MPDZ: variants seen among roughly 807,000 people sequenced by gnomAD.
MPDZ encodes the protein multiple PDZ domain protein.
A neutral mutation model predicts 239.1 loss-of-function variants in MPDZ; 234 were observed. The observed-to-expected ratio is 0.98, with a 90% confidence interval of 0.88 to 1.09. The LOEUF (loss-of-function observed/expected upper bound fraction) is 1.09, where lower values mean the gene tolerates loss of function less well. Among genes scored for constraint, MPDZ ranks in the 50% least tolerant of loss-of-function variants. The probability of loss-of-function intolerance (pLI) is 0.00; values close to 1 mark genes in which losing one functional copy is unlikely to be tolerated. For missense variants in MPDZ, 3,175 were observed against 2,510.0 expected (o/e 1.26, Z -5.66); for synonymous variants, 1,048 against 881.3 (o/e 1.19, Z -3.35).
At chr9:13,206,414 G>C (rs573409669) in intron 10 of MPDZ, among the ~76,000 whole-genome samples, 5 of 151,922 alleles carry the variant, frequency 3.3e-5, no homozygotes, top group Non-Finnish European at 1.5e-5. Flanking sequence ...GTTGAGACAG[G>C]GTCTCACTCT....
intron 3 of MPDZ, among the ~76,000 whole-genome samples, chr9:13,241,953 T>G (rs186182174): frequency 2.0e-5 from 3 of 152,166 alleles, no homozygotes; most frequent in Non-Finnish European, 4.4e-5. Flanking sequence ...ATTGACTACC[T>G]GACTACCTAC....
chr9:13,136,493 G>A (rs904040976), intron 30 of MPDZ, among the ~76,000 whole-genome samples: 6 of 151,324 alleles, frequency 4.0e-5, no homozygotes, highest in East Asian at 1.9e-4. Context: ...CACCACGCCC[G>A]GCTAATTTTT....
chr9:13,276,354 T>C (rs1216982329), intron 1 of MPDZ, among the ~76,000 whole-genome samples: 1 of 152,184 alleles, frequency 6.6e-6, no homozygotes, highest in African/African-American at 2.4e-5. Flanking sequence ...AATCACAGTA[T>C]ATCAATTTTA....
At chr9:13,217,058 A>T in intron 9 of MPDZ, 122 bp downstream of exon 9, 1 of 827,474 alleles carries the variant, frequency 1.2e-6, no homozygotes. Flanking sequence ...ATTATTCCTA[A>T]GGAAGTTTTC....
intron 1 of MPDZ, among the ~76,000 whole-genome samples, chr9:13,270,691 C>T (rs556828656): frequency 3.9e-5 from 6 of 151,936 alleles, no homozygotes; most frequent in African/African-American, 7.2e-5. Context: ...CTTTTTTCTT[C>T]ACTGTGGCTA....
Position 13,150,576 on chromosome 9 carries a change from G to C in MPDZ, c.3565C>G (p.His1189Asp). ...GEVMRGIFIK[H>D]VLEDSPAGKN... ...CCAGCTGGACTATCTTCCAGAACAT[G>C]TTTGATGAAAATGCCCCTCATCACT... Residue 1189 changes from histidine (H) to aspartate (D), a missense_variant, in exon 25 of 47, where the codon CAT becomes GAT. Physicochemically the swap from His to Asp is moderately conservative, Grantham distance 81. Coordinates refer to ENST00000319217, the MANE Select transcript of MPDZ (RefSeq NM_001378778.1). 6 of 1,565,194 alleles carry C rather than the reference G, an allele frequency of 3.8e-6. No homozygotes were observed. Among genetic ancestry groups the C allele is most frequent in the Non-Finnish European group, 5.2e-6 (6 of 1,153,948 alleles).
At chr9:13,228,642 C>T (rs531969364) in intron 3 of MPDZ, among the ~76,000 whole-genome samples, 1 of 152,052 alleles carries the variant, frequency 6.6e-6, no homozygotes. Flanking sequence ...CATACCATAG[C>T]CATTAGCCAT....
At position 13,188,388 on chromosome 9, in the gene MPDZ, G is replaced by A. The variant is rs531029039; in HGVS notation, c.2364+396C>T. On this transcript the variant is annotated intron_variant, in intron 17 of 46. Coordinates refer to ENST00000319217, the MANE Select transcript of MPDZ (RefSeq NM_001378778.1). The stretch of plus-strand genomic sequence containing the variant: ...CAAAAATTAGCCAGGCATGGTCGTG[G>A]CTGTAGTCCCAGCAACTCAGGAGGT... Among the ~76,000 whole-genome samples, 3 of 151,968 alleles carry A rather than the reference G, an allele frequency of 2.0e-5. No homozygotes were observed. In the East Asian group the frequency reaches 5.8e-4, roughly 30 times the overall value.
At chr9:13,209,154 G>T (rs2135810220) in intron 10 of MPDZ, among the ~76,000 whole-genome samples, 1 of 152,114 alleles carries the variant, frequency 6.6e-6, no homozygotes, top group African/African-American at 2.4e-5. Flanking sequence ...GCAATCAGAT[G>T]GTATATGTGG....
intron 12 of MPDZ, among the ~76,000 whole-genome samples, chr9:13,198,885 G>C (rs767063489): frequency 6.6e-6 from 1 of 151,574 alleles, no homozygotes; most frequent in African/African-American, 2.4e-5. Flanking sequence ...GGAGTCATTT[G>C]TGGGTACATG....
intron 1 of MPDZ, among the ~76,000 whole-genome samples, chr9:13,269,177 A>C (rs1014758559): frequency 1.3e-5 from 2 of 152,178 alleles, no homozygotes; most frequent in Non-Finnish European, 2.9e-5. Context: ...AACAGAGGTC[A>C]ACTCTCCCAG....
intron 1 of MPDZ, among the ~76,000 whole-genome samples, chr9:13,253,589 A>ACACC (rs1968667322): frequency 6.6e-6 from 1 of 152,132 alleles, no homozygotes; most frequent in South Asian, 2.1e-4. Flanking sequence ...GCCCATCTAA[A>ACACC]CACCATATGG....
Position 13,205,027 on chromosome 9 carries a change from G to C in MPDZ, c.1546+9C>G. 7.0e-7 allele frequency: 1 copy of C among 1,432,316 alleles called. No homozygotes were observed. Among genetic ancestry groups the C allele is most frequent in the East Asian group, 2.8e-5 (1 of 36,310 alleles). 88.7% of individuals were successfully genotyped at this position (1,432,316 alleles called of 1,614,324 possible). ...TGAAGTACACAATAAGCTGGCGCTA[G>C]GTGTTTACCTTCTTCTTCAGTTGGT... is the stretch of plus-strand genomic sequence containing the variant. On this transcript the variant is annotated intron_variant, in intron 12 of 46. Coordinates refer to ENST00000319217, the MANE Select transcript of MPDZ (RefSeq NM_001378778.1).
At chr9:13,175,601 A>C in intron 21 of MPDZ, 151 bp downstream of exon 21, 3 of 776,918 alleles carry the variant, frequency 3.9e-6, no homozygotes, top group Non-Finnish European at 4.0e-6. Flanking sequence ...ATTTCAAAAA[A>C]ATAATGAGGA....
chr9:13,199,516 G>T (rs899336363), intron 12 of MPDZ, among the ~76,000 whole-genome samples: 1 of 151,742 alleles, frequency 6.6e-6, no homozygotes, highest in Non-Finnish European at 1.5e-5. Context: ...AACCGCTCTG[G>T]CAAGGACTTG....
chr9:13,215,945 G>GTTTTTT (rs71331531), intron 10 of MPDZ, among the ~76,000 whole-genome samples: 2 of 82,618 alleles, frequency 2.4e-5, no homozygotes, highest in Non-Finnish European at 4.9e-5. Context: ...TCAGCAATTT[G>GTTTTTT]TTTTTTTTTT....
chr9:13,120,593 G>A (rs1944198782), intron 38 of MPDZ: 1 of 152,156 alleles, frequency 6.6e-6, no homozygotes, highest in Non-Finnish European at 1.5e-5. Context: ...TATTCCCACT[G>A]ACACTCAAAT....
At chr9:13,147,392 C>T (rs79886520) in intron 26 of MPDZ, among the ~76,000 whole-genome samples, 156 bp downstream of exon 26, 4 of 152,048 alleles carry the variant, frequency 2.6e-5, no homozygotes, top group South Asian at 4.1e-4. Flanking sequence ...TCCAGGATAA[C>T]TCAATTTCTG....
chr9:13,206,998 G>A (rs1411464617), intron 10 of MPDZ, among the ~76,000 whole-genome samples: 1 of 151,978 alleles, frequency 6.6e-6, no homozygotes, highest in African/African-American at 2.4e-5. Context: ...TTCTAAATAT[G>A]CTTTTATATT....
Sources: gnomAD v4.1 joint callset for allele counts (sites outside exome capture counted in the v4.1 genomes callset) on GRCh38, gnomAD v4.1.1 for gene constraint, MANE v1.5 for transcripts, NCBI Gene and HGNC (gene_info 2026-07-23, HGNC 2026-07-21) for gene names.